The following PRDM11 variants were observed in gnomAD, a reference collection of about 807,000 sequenced individuals.
The protein encoded by PRDM11 is PR/SET domain 11.
Under a neutral mutation model 97.8 loss-of-function variants are expected in PRDM11, and 20 were observed. The ratio of observed to expected loss-of-function variants is 0.20; its 90% CI spans 0.14 to 0.30. The LOEUF is 0.30. Among genes scored for constraint, PRDM11 ranks in the 10% least tolerant of loss-of-function variants. The pLI is 1.00. For synonymous variants in PRDM11, 599 were observed against 637.7 expected (o/e 0.94, Z 0.91); for missense variants, 1,139 against 1,555.2 (o/e 0.73, Z 4.50).
rs548525900 is a variant in PRDM11, at chr11:45,114,543, T to C, written c.96+18642T>C. ...AATTATTTGATAAACTGTCCCAAAC[T>C]TGGTGAAAAACACAACTTATATACT... On this transcript the variant is annotated intron_variant, in intron 1 of 6. Coordinates refer to the PRDM11 transcript ENST00000530656. Among the ~76,000 whole-genome samples the C allele has an allele frequency of 3.9e-5, 6 of 152,210 alleles. No homozygotes were observed. The East Asian group carries it at 1.2e-3, about 29-fold the overall frequency.
At chr11:45,181,626 C>T in intron 1 of PRDM11, 135 bp from the exon 2 acceptor site, 1 of 684,464 alleles carries the variant, frequency 1.5e-6, no homozygotes, top group Non-Finnish European at 2.5e-6. Flanking sequence ...TCTGTGTTCT[C>T]AAGTGCTTCC....
intron 5 of PRDM11, among the ~76,000 whole-genome samples, chr11:45,209,894 T>C (rs1221708486): frequency 6.6e-6 from 1 of 152,134 alleles, no homozygotes; most frequent in Non-Finnish European, 1.5e-5. Flanking sequence ...TCCAGCGGAC[T>C]AGGATGTGAA....
chr11:45,138,183 G>C (rs376242163), intron 1 of PRDM11, among the ~76,000 whole-genome samples: 3 of 151,940 alleles, frequency 2.0e-5, no homozygotes, highest in African/African-American at 7.3e-5. Context: ...CCAATGAACA[G>C]GGGGGAAAAA....
chr11:45,159,964 G>A (rs1851891174), intron 1 of PRDM11, among the ~76,000 whole-genome samples: 1 of 152,186 alleles, frequency 6.6e-6, no homozygotes, highest in Non-Finnish European at 1.5e-5. Context: ...TGAAGAGTTG[G>A]CTTGTGCGCC....
chr11:45,151,957 G>A (rs934804481), intron 1 of PRDM11, among the ~76,000 whole-genome samples: 5 of 152,082 alleles, frequency 3.3e-5, no homozygotes, highest in African/African-American at 7.2e-5. Flanking sequence ...CCTGGTCCTC[G>A]GCATTGGTTG....
chr11:45,204,139 C>A (rs1369329175), intron 4 of PRDM11, among the ~76,000 whole-genome samples: 5 of 152,164 alleles, frequency 3.3e-5, no homozygotes, highest in Admixed American at 1.3e-4. Flanking sequence ...TAAAACTTAG[C>A]CTAGAATTTC....
At chr11:45,097,465 G>A (rs1851901303) in intron 1 of PRDM11, among the ~76,000 whole-genome samples, 5 of 152,346 alleles carry the variant, frequency 3.3e-5, no homozygotes, top group Admixed American at 3.3e-4. Flanking sequence ...AATCCTGTGG[G>A]AAAGCTTTCA....
At position 45,226,743 on chromosome 11, in the gene PRDM11, C is replaced by G. The variant is rs1216147768; in HGVS notation, c.2118C>G (p.Leu706=). ...ELGFSSTESY[L]QALDRAFSAL... ...GATTCTCTAGCACAGAAAGCTATCT[C>G]CAGGCACTTGACCGGGCCTTCTCGG... The change falls in exon 8 of 8, where the codon CTC becomes CTG. Residue 706 remains leucine, a synonymous_variant. Coordinates refer to ENST00000683152, the MANE Select transcript of PRDM11 (RefSeq NM_001384648.1). The G allele has an allele frequency of 1.2e-5, 18 of 1,533,894 alleles. 1 individual carries two copies. The highest frequency in any genetic ancestry group is 2.3e-4 in the Middle Eastern group (1 of 4,380).
intron 1 of PRDM11, among the ~76,000 whole-genome samples, chr11:45,169,611 C>G (rs1415389852): frequency 6.6e-6 from 1 of 152,166 alleles, no homozygotes; most frequent in Non-Finnish European, 1.5e-5. Flanking sequence ...TTGGCAATGA[C>G]CTTGAGCAGT....
chr11:45,181,225 G>A (rs1257821229), intron 1 of PRDM11, among the ~76,000 whole-genome samples: 1 of 151,966 alleles, frequency 6.6e-6, no homozygotes, highest in African/African-American at 2.4e-5. Context: ...TGGAGCCCTG[G>A]CTGGCCCTCG....
chr11:45,152,662 C>A (rs1236140792), intron 1 of PRDM11, among the ~76,000 whole-genome samples: 2 of 152,200 alleles, frequency 1.3e-5, no homozygotes, highest in African/African-American at 2.4e-5. Flanking sequence ...TCTGCTTTGT[C>A]TTTTTAAATC....
At chr11:45,147,040 CGGCGCCGGCGCGG>C (rs1455320849) in intron 1 of PRDM11, among the ~76,000 whole-genome samples, 163 bp downstream of exon 1, 1 of 140,878 alleles carries the variant, frequency 7.1e-6, no homozygotes, top group East Asian at 2.1e-4. Flanking sequence ...GGGGTCCGGA[CGGCGCCGGCGCGG>C]GGTGGGGGGC....
chr11:45,220,656 C>T (rs965496988), intron 6 of PRDM11, among the ~76,000 whole-genome samples: 1 of 152,142 alleles, frequency 6.6e-6, no homozygotes, highest in Non-Finnish European at 1.5e-5. Context: ...AACCAGTCCC[C>T]TCCTGGGTTC....
intron 1 of PRDM11, among the ~76,000 whole-genome samples, chr11:45,153,521 A>AG (rs1173258961): frequency 1.3e-5 from 2 of 152,216 alleles, no homozygotes; most frequent in Non-Finnish European, 2.9e-5. Flanking sequence ...CCTGGGTGTG[A>AG]GGCCAGTGGA....
chr11:45,095,786 G>A (rs368444824), upstream of PRDM11: 64 of 728,562 alleles, frequency 8.8e-5, no homozygotes, highest in East Asian at 1.7e-4. Flanking sequence ...CACCCATTTC[G>A]GGTCACAAGG....
chr11:45,142,888 C>G (rs1368441553), upstream of PRDM11, among the ~76,000 whole-genome samples: 3 of 152,188 alleles, frequency 2.0e-5, no homozygotes, highest in East Asian at 1.9e-4. Context: ...GCATTTATCT[C>G]TTACCATTAA....
intron 1 of PRDM11, among the ~76,000 whole-genome samples, chr11:45,127,241 A>AT (rs1210716364): frequency 6.6e-6 from 1 of 151,964 alleles, no homozygotes. Context: ...CATTCGTCTA[A>AT]TTTTTTTCAA....
chr11:45,099,029 G>A (rs1044676797), intron 1 of PRDM11, among the ~76,000 whole-genome samples: 2 of 152,184 alleles, frequency 1.3e-5, no homozygotes, highest in African/African-American at 4.8e-5. Context: ...AGGGATCATT[G>A]GCAGGAGGGA....
intron 5 of PRDM11, chr11:45,212,970 A>G (rs1853817498): frequency 2.6e-6 from 1 of 388,984 alleles, no homozygotes; most frequent in Non-Finnish European, 5.2e-6. Flanking sequence ...CCCCTGCCAG[A>G]GCCCCCACCA....
Sources: gnomAD v4.1 joint callset for allele counts (sites outside exome capture counted in the v4.1 genomes callset) on GRCh38, gnomAD v4.1.1 for gene constraint, MANE v1.5 for transcripts, NCBI Gene and HGNC (gene_info 2026-07-23, HGNC 2026-07-21) for gene names.